ZMYND10: variants seen among roughly 807,000 people sequenced by gnomAD.
The protein encoded by ZMYND10 is zinc finger MYND domain-containing protein 10.
ZMYND10 carries 52 observed loss-of-function variants against 62.6 expected under a neutral mutation model. That is an observed-to-expected ratio of 0.83 (90% CI 0.67 to 1.05). ZMYND10 has a LOEUF of 1.05. Among genes scored for constraint, ZMYND10 ranks in the 50% least tolerant of loss-of-function variants. The pLI, the probability that ZMYND10 is intolerant of heterozygous loss-of-function variation, is 0.00. For synonymous variants in ZMYND10, 197 were observed against 218.5 expected (o/e 0.90, Z 0.87); for missense variants, 438 against 543.3 (o/e 0.81, Z 1.93).
Position 50,345,512 on chromosome 3 carries a change from G to A in ZMYND10, c.68C>T (p.Pro23Leu), listed in dbSNP as rs199745411. The A allele has an allele frequency of 5.6e-6, 9 of 1,608,080 alleles. No individual in the cohort carries two copies. The highest frequency in any genetic ancestry group is 2.2e-5 in the East Asian group (1 of 44,666). Residue 23 changes from proline to leucine, a missense_variant, in exon 1 of 12, where the codon CCG becomes CTG. Coordinates refer to ENST00000231749, the MANE Select transcript of ZMYND10 (RefSeq NM_015896.4). The surrounding 1 kb of genome is among the most constrained non-coding windows in gnomAD (Gnocchi z 5.0). ...CCCTTCGGAGCCCATCTCGCGTAGCGGGAAGCTGCGCAGACCCCGCACCAG... is the reference window on the plus strand; with the variant it reads ...CCCTTCGGAGCCCATCTCGCGTAGCAGGAAGCTGCGCAGACCCCGCACCAG... ...EVLVRGLRSF[P>L]LREMGSEGWN...
rs1047118167 is a variant in ZMYND10 at position 50,341,210 on chromosome 3, C to T, written c.*200G>A. The stretch of plus-strand genomic sequence containing the variant: ...TGCTGAAGCAACACACTTGGCCTAC[C>T]CACTGGGTGGGGCAGGAAGTCTCGA... On this transcript the variant is annotated 3_prime_UTR_variant, in exon 12 of 12. Transcript: ENST00000231749. The T allele has an allele frequency of 2.9e-6, 2 of 697,516 alleles. No individual in the cohort carries two copies. Among genetic ancestry groups the T allele is most frequent in the Non-Finnish European group, 2.4e-6 (1 of 422,268 alleles). 43.2% of individuals were successfully genotyped at this position (697,516 alleles called of 1,614,324 possible).
At chr3:50,342,253 G>A in intron 8 of ZMYND10, 113 bp from the exon 9 acceptor site, 1 of 1,577,460 alleles carries the variant, frequency 6.3e-7, no homozygotes, top group Non-Finnish European at 8.6e-7. Flanking sequence ...TGTCCCACTA[G>A]CTGGTGTGTC....
At chr3:50,343,477 T>C (rs1703450319) in intron 4 of ZMYND10, 33 bp from the exon 5 acceptor site, 2 of 1,613,538 alleles carry the variant, frequency 1.2e-6, no homozygotes, top group Non-Finnish European at 1.7e-6. Context: ...TTTCTGTGTC[T>C]GATGCCTTCC....
In ZMYND10 at chr3:50,345,166, G is replaced by A. The variant is rs1703505766; in HGVS notation, c.159C>T (p.Ser53=). Residue 53 remains serine (S), a synonymous_variant, in exon 2 of 12, where the codon AGC becomes AGT. Transcript: ENST00000231749. The surrounding 1 kb of genome is among the most constrained non-coding windows in gnomAD (Gnocchi z 5.0). ...NMQAILDATV[S]QGEPIQELLV... is the part of the protein sequence containing the mutation. The stretch of plus-strand genomic sequence containing the variant: ...GCAGCTCCTGAATGGGCTCGCCCTG[G>A]CTGACTGTGGCATCGAGGATGGCTT... 6.2e-7 allele frequency: 1 copy of A among 1,613,946 alleles called. No homozygotes were observed. The highest frequency in any genetic ancestry group is 1.3e-5 in the African/African-American group (1 of 74,920).
chr3:50,345,112 A>G lies in ZMYND10; in HGVS notation c.201+12T>C. On this transcript the variant is annotated intron_variant, in intron 2 of 11. Coordinates refer to ENST00000231749, the MANE Select transcript of ZMYND10 (RefSeq NM_015896.4). This position sits in a 1 kb window ranked among gnomAD's most constrained non-coding sequence, Gnocchi z 5.0. Reference sequence around the variant, plus strand: ...GGGGAAGGCAGGAACCCTGCCTGTGACCTCGGGGTACCTTCCCATGGGTGA... The same window carrying G: ...GGGGAAGGCAGGAACCCTGCCTGTGGCCTCGGGGTACCTTCCCATGGGTGA... The G allele has an allele frequency of 1.2e-6, 2 of 1,611,988 alleles. No homozygotes were observed. The highest frequency in any genetic ancestry group is 1.7e-6 in the Non-Finnish European group (2 of 1,178,960).
chr3:50,342,522 A>G lies in ZMYND10; in HGVS notation c.748T>C (p.Ser250Pro). Residue 250 changes from serine to proline, a missense_variant, in exon 8 of 12, where the codon TCA (serine) becomes CCA (proline). Physicochemically the swap from Ser to Pro is moderately conservative, Grantham distance 74. Coordinates refer to ENST00000231749, the MANE Select transcript of ZMYND10 (RefSeq NM_015896.4). ...AACTTGCTCAGCTTTTGCTGCTCTG[A>G]GGGGGCCACAGTATGCCAACGGCTG... ...EGSRWHTVAP[S>P]EQQKLSKLDG... 6 of 1,613,992 alleles carry G rather than the reference A, an allele frequency of 3.7e-6. No homozygotes were observed. The highest frequency in any genetic ancestry group is 5.1e-6 in the Non-Finnish European group (6 of 1,179,960).
chr3:50,345,556 C>T lies in ZMYND10; in HGVS notation c.24G>A (p.Leu8=), dbSNP rs146256851. 3 of 1,606,580 alleles carry T rather than the reference C, an allele frequency of 1.9e-6. No homozygotes were observed. In the South Asian group the frequency reaches 3.4e-5, roughly 18 times the overall value. The change falls in exon 1 of 12, where the codon CTG becomes CTA. Residue 8 remains leucine, a synonymous_variant. Coordinates refer to ENST00000231749, the MANE Select transcript of ZMYND10 (RefSeq NM_015896.4). The surrounding 1 kb of genome is among the most constrained non-coding windows in gnomAD (Gnocchi z 5.0). MGDLELL[L]PGEAEVLVRG... is the part of the protein sequence containing the mutation. ...GCACCAGCACTTCAGCTTCCCCGGG[C>T]AGCAGCAGTTCCAGGTCTCCCATAT... is the stretch of plus-strand genomic sequence containing the variant.
At chr3:50,343,902 G>T in intron 2 of ZMYND10, 52 bp from the exon 3 acceptor site, 2 of 1,549,446 alleles carry the variant, frequency 1.3e-6, no homozygotes, top group Non-Finnish European at 8.9e-7. Context: ...CCTTTGCCTG[G>T]CAACCCTCCC....
rs778224292 is a variant in ZMYND10 at position 50,341,804 on chromosome 3, C to G, written c.1121+6G>C. On this transcript the variant is annotated splice_donor_region_variant and intron_variant, in intron 10 of 11. Coordinates refer to ENST00000231749, the MANE Select transcript of ZMYND10 (RefSeq NM_015896.4). ...CCACCCTCCCTGCCATTTCCACAGGCCTTACCTTCGCGCCTGCAGCCGCAG... is the reference window on the plus strand; with the variant it reads ...CCACCCTCCCTGCCATTTCCACAGGGCTTACCTTCGCGCCTGCAGCCGCAG... 2.5e-6 allele frequency: 4 copies of G among 1,613,716 alleles called. No individual in the cohort carries two copies. Among genetic ancestry groups the G allele is most frequent in the Admixed American group, 3.3e-5 (2 of 59,992 alleles).
Position 50,342,940 on chromosome 3 carries a change from A to G in ZMYND10, c.678T>C (p.Ser226=), listed in dbSNP as rs1489282193. ...TACCTCCTTCCCGCCGGCTCCAGGG[A>G]CTATGCTCCAGCAGTTCCACCAGGA... is the stretch of plus-strand genomic sequence containing the variant. The part of the protein sequence containing the change: ...PCLLVELLEH[S]PWSRREGGKL... Residue 226 remains serine (S), a synonymous_variant, in exon 7 of 12, where the codon AGT becomes AGC. Transcript: ENST00000231749. The G allele has an allele frequency of 1.2e-6, 2 of 1,614,054 alleles. No homozygotes were observed. The highest frequency in any genetic ancestry group is 1.7e-6 in the Non-Finnish European group (2 of 1,179,960).
chr3:50,343,167 C>T lies in ZMYND10; in HGVS notation c.550G>A (p.Ala184Thr), dbSNP rs771849995. ...CGTAGTACTGAGAGGGCCTTCAGTGCAATCTCAAATTCCATCAGCTCTGCC... is the reference window on the plus strand; with the variant it reads ...CGTAGTACTGAGAGGGCCTTCAGTGTAATCTCAAATTCCATCAGCTCTGCC... ...KQAELMEFEI[A>T]LKALSVLRYI... is the part of the protein sequence containing the mutation. The change falls in exon 6 of 12, where the codon GCA becomes ACA. Residue 184 changes from alanine to threonine, a missense_variant. Coordinates refer to ENST00000231749, the MANE Select transcript of ZMYND10 (RefSeq NM_015896.4). The T allele has an allele frequency of 1.7e-5, 28 of 1,614,128 alleles. No individual in the cohort carries two copies. Among genetic ancestry groups the T allele is most frequent in the Non-Finnish European group, 2.3e-5 (27 of 1,180,046 alleles).
chr3:50,345,062 G>A lies in ZMYND10; in HGVS notation c.201+62C>T, dbSNP rs1348971205. Reference sequence around the variant, plus strand: ...AGGGGAAGGGCACACAGGGGACTCCGGAGGGGTAGAGTAGGTGAGGTATGG... The same window carrying A: ...AGGGGAAGGGCACACAGGGGACTCCAGAGGGGTAGAGTAGGTGAGGTATGG... On this transcript the variant is annotated intron_variant, in intron 2 of 11. Transcript: ENST00000231749. The surrounding 1 kb of genome is among the most constrained non-coding windows in gnomAD (Gnocchi z 5.0). The A allele has an allele frequency of 1.1e-5, 16 of 1,463,082 alleles. No individual in the cohort carries two copies. In the East Asian group the frequency reaches 1.2e-4, roughly 11 times the overall value. The allele number at this position is 1,463,082 out of a possible 1,614,324, so 90.6% of individuals were successfully genotyped here.
Position 50,345,369 on chromosome 3 carries a change from C to T in ZMYND10, c.92+119G>A, listed in dbSNP as rs587722602. The T allele has an allele frequency of 6.5e-4, 970 of 1,497,774 alleles. No homozygotes were observed. Among genetic ancestry groups the T allele is most frequent in the Non-Finnish European group, 8.2e-4 (906 of 1,107,478 alleles). 92.8% of individuals were successfully genotyped at this position (1,497,774 alleles called of 1,614,324 possible). A position where few individuals can be genotyped will look rare whatever the true frequency, so the allele number is the denominator to read the frequency against. On this transcript the variant is annotated intron_variant, in intron 1 of 11. Coordinates refer to ENST00000231749, the MANE Select transcript of ZMYND10 (RefSeq NM_015896.4). The surrounding 1 kb of genome is among the most constrained non-coding windows in gnomAD (Gnocchi z 5.0). ...GAGCAGTAATACTCCTGTCTCGGAA[C>T]GCTCTGCTCCCCCATTTGGGAGCCC...
intron 7 of ZMYND10, 21 bp from the exon 8 acceptor site, chr3:50,342,590 A>G: frequency 6.2e-7 from 1 of 1,605,536 alleles, no homozygotes; most frequent in Non-Finnish European, 8.5e-7. Context: ...GAACCAGCAC[A>G]CTGGGTGCAG....
Position 50,341,603 on chromosome 3 carries a change from T to C in ZMYND10, c.1218A>G (p.Ser406=). The change falls in exon 11 of 12, where the codon TCA becomes TCG. Residue 406 remains serine (S), a synonymous_variant. Transcript: ENST00000231749. ...AGCAATACCACTCATTCTGGCATCGTGAGCAGCGCTTAGAAGCCTCTGCAC... is the reference window on the plus strand; with the variant it reads ...AGCAATACCACTCATTCTGGCATCGCGAGCAGCGCTTAGAAGCCTCTGCAC... ...YCSAEASKRC[S]RCQNEWYCCR... is the part of the protein sequence containing the mutation. The C allele has an allele frequency of 6.2e-7, 1 of 1,614,250 alleles. No individual in the cohort carries two copies. Among genetic ancestry groups the C allele is most frequent in the Non-Finnish European group, 8.5e-7 (1 of 1,180,036 alleles).
chr3:50,344,315 C>CTTTTTT (rs71080585), intron 2 of ZMYND10, among the ~76,000 whole-genome samples: 4 of 128,688 alleles, frequency 3.1e-5, no homozygotes, highest in Non-Finnish European at 5.0e-5. Flanking sequence ...AAGGACCTTT[C>CTTTTTT]TTTTTTTTTT....
Position 50,345,332 on chromosome 3 carries a change from C to T in ZMYND10, c.93-100G>A. 6.7e-7 allele frequency: 1 copy of T among 1,500,378 alleles called. No homozygotes were observed. Among genetic ancestry groups the T allele is most frequent in the East Asian group, 2.4e-5 (1 of 41,552 alleles). 92.9% of individuals were successfully genotyped at this position (1,500,378 alleles called of 1,614,324 possible). A position where few individuals can be genotyped will look rare whatever the true frequency, so the allele number is the denominator to read the frequency against. On this transcript the variant is annotated intron_variant, in intron 1 of 11. Coordinates refer to ENST00000231749, the MANE Select transcript of ZMYND10 (RefSeq NM_015896.4). This position sits in a 1 kb window ranked among gnomAD's most constrained non-coding sequence, Gnocchi z 5.0. The stretch of plus-strand genomic sequence containing the variant: ...AGCCTAACCTGATCCTGAGGGGACA[C>T]AGGGGGCTCAGGAGCAGTAATACTC...
In ZMYND10 at chr3:50,341,995, G is replaced by A; in HGVS notation, c.999+20C>T. The A allele has an allele frequency of 6.2e-7, 1 of 1,614,240 alleles. No individual in the cohort carries two copies. The highest frequency in any genetic ancestry group is 8.5e-7 in the Non-Finnish European group (1 of 1,180,042). ...TAAAGTGGGACAGTGGTCCTGAGCA[G>A]CTAACTTTCCAGTGCCTACCTGTTC... On this transcript the variant is annotated intron_variant, in intron 9 of 11. Coordinates refer to ENST00000231749, the MANE Select transcript of ZMYND10 (RefSeq NM_015896.4).
chr3:50,345,717 GC>G lies in ZMYND10; in HGVS notation c.-139del. 6.8e-7 allele frequency: 1 copy of G among 1,472,668 alleles called. No homozygotes were observed. The highest frequency in any genetic ancestry group is 1.4e-5 in the South Asian group (1 of 74,040). The allele number at this position is 1,472,668 out of a possible 1,614,324, so 91.2% of individuals were successfully genotyped here. A position where few individuals can be genotyped will look rare whatever the true frequency, so the allele number is the denominator to read the frequency against. ...CGGTTGGGGAGCGTCAGTTCTCGCA[GC>G]CATGGAAACGGGTTAGCCGCGCCTG... On this transcript the variant is annotated 5_prime_UTR_variant, in exon 1 of 12. It removes the in-frame stop codon of an upstream open reading frame in the 5' UTR. Coordinates refer to ENST00000231749, the MANE Select transcript of ZMYND10 (RefSeq NM_015896.4). This position sits in a 1 kb window ranked among gnomAD's most constrained non-coding sequence, Gnocchi z 5.0.
Sources: allele counts gnomAD v4.1 joint callset (sites outside exome capture counted in the v4.1 genomes callset), GRCh38; gene constraint gnomAD v4.1.1; non-coding constraint Gnocchi (gnomAD v3.1); transcripts MANE v1.5; gene names NCBI Gene and HGNC (gene_info 2026-07-23, HGNC 2026-07-21).